Variants in ZPBP observed in about 807,000 individuals in gnomAD.
The protein encoded by ZPBP is zona pellucida binding protein.
ZPBP carries 26 observed loss-of-function variants against 44.8 expected under a neutral mutation model. The ratio of observed to expected loss-of-function variants is 0.58; its 90% confidence interval spans 0.43 to 0.81. The LOEUF (loss-of-function observed/expected upper bound fraction) is 0.81, where lower values mean the gene tolerates loss of function less well. Ranked by LOEUF, ZPBP falls within the 30% of genes least tolerant of loss-of-function variation. The pLI is 0.00. For missense variants in ZPBP, 409 were observed against 434.0 expected, an observed-to-expected ratio of 0.94 and a Z score of 0.51; for synonymous variants, 174 against 153.2, an observed-to-expected ratio of 1.14 and a Z score of -1.00.
At chr7:50,020,359 C>G (rs546650014) in intron 5 of ZPBP, among the ~76,000 whole-genome samples, 1 of 152,024 alleles carries the variant, frequency 6.6e-6, no homozygotes, top group Non-Finnish European at 1.5e-5. Flanking sequence ...AAAATAGAAT[C>G]AAAAGAAATA....
In ZPBP at chr7:49,865,104, G is replaced by A. The variant is rs142920505; in HGVS notation, n.510-14590C>T. 2.5e-3 allele frequency among the ~76,000 whole-genome samples: 386 copies of A among 152,276 alleles called. 3 individuals are homozygous for A. Among genetic ancestry groups the A allele is most frequent in the African/African-American group, 8.9e-3 (371 of 41,556 alleles). On this transcript the variant is annotated intron_variant and non_coding_transcript_variant, in intron 2 of 2. Coordinates refer to the ZPBP transcript ENST00000465922. ...TACTTTTCTGTCATGTTTTCTTGCT[G>A]AAATTTGCCATGTAAAGATGTAATT...
chr7:49,903,634 G>A (rs1363092822), intron 1 of ZPBP, among the ~76,000 whole-genome samples: 1 of 152,204 alleles, frequency 6.6e-6, no homozygotes, highest in East Asian at 1.9e-4. Flanking sequence ...GGCAGAGGGA[G>A]GTCTTGATTG....
intron 2 of ZPBP, among the ~76,000 whole-genome samples, chr7:49,887,077 A>G (rs774087671): frequency 5.3e-5 from 8 of 152,204 alleles, no homozygotes; most frequent in Non-Finnish European, 1.0e-4. Flanking sequence ...GTCTTTGCAC[A>G]TGAACATTAA....
At chr7:49,981,540 T>G (rs1242699452) in intron 7 of ZPBP, among the ~76,000 whole-genome samples, 1 of 91,360 alleles carries the variant, frequency 1.1e-5, no homozygotes, top group Non-Finnish European at 1.9e-5. Context: ...ATTATAATTT[T>G]ATATAATTAT....
intron 1 of ZPBP, among the ~76,000 whole-genome samples, chr7:49,924,462 TAATTC>T (rs1794151672): frequency 6.6e-6 from 1 of 152,200 alleles, no homozygotes; most frequent in Admixed American, 6.5e-5. Context: ...TAAATCCTGA[TAATTC>T]AATTAAACTA....
intron 4 of ZPBP, among the ~76,000 whole-genome samples, chr7:50,043,890 C>T (rs193015319): frequency 4.6e-5 from 7 of 152,242 alleles, no homozygotes; most frequent in African/African-American, 1.4e-4. Flanking sequence ...CAGACTTATT[C>T]TAAAATTGAC....
intron 1 of ZPBP, chr7:49,920,707 T>C (rs1396349860): frequency 7.9e-6 from 1 of 127,220 alleles, no homozygotes; most frequent in Non-Finnish European, 1.7e-5. Flanking sequence ...TTTAATTGTG[T>C]TATTTACTAT....
intron 1 of ZPBP, chr7:49,914,676 T>C (rs1274385658): frequency 6.6e-6 from 1 of 152,248 alleles, no homozygotes; most frequent in South Asian, 2.1e-4. Context: ...TACATAGCTA[T>C]CTCAGATTGA....
chr7:50,017,152 TA>T (rs1168640908), intron 6 of ZPBP, among the ~76,000 whole-genome samples: 3 of 152,070 alleles, frequency 2.0e-5, no homozygotes, highest in Admixed American at 6.6e-5. Context: ...CACCATAATG[TA>T]AAATCAGTGA....
At chr7:49,879,436 T>A (rs1161587718) in intron 2 of ZPBP, among the ~76,000 whole-genome samples, 1 of 152,200 alleles carries the variant, frequency 6.6e-6, no homozygotes, top group Admixed American at 6.5e-5. Flanking sequence ...GGTTTATATG[T>A]GCAGGTACCA....
intron 2 of ZPBP, among the ~76,000 whole-genome samples, chr7:49,881,090 C>T (rs1406284481): frequency 1.3e-5 from 2 of 152,090 alleles, no homozygotes; most frequent in African/African-American, 2.4e-5. Context: ...GTCCTCCATT[C>T]CTGGCCTCAG....
chr7:49,987,375 T>C (rs1458679664), intron 6 of ZPBP, among the ~76,000 whole-genome samples: 1 of 152,224 alleles, frequency 6.6e-6, no homozygotes, highest in Non-Finnish European at 1.5e-5. Context: ...TTCTCCATTT[T>C]GCCTTGCCTA....
intron 2 of ZPBP, among the ~76,000 whole-genome samples, chr7:49,899,719 A>G (rs1792605706): frequency 6.6e-6 from 1 of 151,994 alleles, no homozygotes; most frequent in Non-Finnish European, 1.5e-5. Context: ...ATCCACTTTT[A>G]TACTTGCATA....
Position 50,093,090 on chromosome 7 carries a change from G to T in ZPBP, c.105C>A (p.Phe35Leu), listed in dbSNP as rs1310436343. The T allele has an allele frequency of 6.2e-7, 1 of 1,600,520 alleles. No individual in the cohort carries two copies. Among genetic ancestry groups the T allele is most frequent in the Admixed American group, 1.7e-5 (1 of 58,600 alleles). Residue 35 changes from phenylalanine to leucine, a missense_variant, in exon 1 of 8, where the codon TTC becomes TTA. Transcript: ENST00000046087. ...RAAILLFISAFLVRVPSSVGH... is the reference protein window; with the variant it reads ...RAAILLFISALLVRVPSSVGH... Reference sequence around the variant, plus strand: ...CACCTGATGAGGGCACCCGCACCAGGAAGGCGGAGATAAAGAGGAGGATGG... The same window carrying T: ...CACCTGATGAGGGCACCCGCACCAGTAAGGCGGAGATAAAGAGGAGGATGG...
intron 2 of ZPBP, among the ~76,000 whole-genome samples, chr7:49,869,574 A>T (rs1369335117): frequency 1.3e-5 from 2 of 152,218 alleles, no homozygotes; most frequent in African/African-American, 4.8e-5. Context: ...CAAAGATTGA[A>T]ATCCTTATTT....
At chr7:49,960,851 G>A (rs1183998758) in intron 7 of ZPBP, among the ~76,000 whole-genome samples, 1 of 151,714 alleles carries the variant, frequency 6.6e-6, no homozygotes, top group Admixed American at 6.6e-5. Flanking sequence ...ACCATGCTTT[G>A]GAAAGGGTTT....
intron 2 of ZPBP, among the ~76,000 whole-genome samples, chr7:49,888,653 G>A (rs934374808): frequency 4.6e-5 from 7 of 152,152 alleles, no homozygotes; most frequent in Non-Finnish European, 1.0e-4. Context: ...GCTCACCGCT[G>A]TAATCCCAGC....
intron 3 of ZPBP, among the ~76,000 whole-genome samples, chr7:50,062,566 C>T (rs1038941840): frequency 6.6e-6 from 1 of 152,120 alleles, no homozygotes. Context: ...CAAAAACAAG[C>T]AATGGAGAAA....
chr7:49,987,337 A>AT (rs35608007), intron 6 of ZPBP, among the ~76,000 whole-genome samples: 5 of 152,038 alleles, frequency 3.3e-5, no homozygotes, highest in Admixed American at 6.6e-5. Flanking sequence ...CTGGAAAAAG[A>AT]TTTTTTTCTC....
Sources: allele counts gnomAD v4.1 joint callset (sites outside exome capture counted in the v4.1 genomes callset), GRCh38; gene constraint gnomAD v4.1.1; transcripts MANE v1.5; gene names NCBI Gene and HGNC (gene_info 2026-07-23, HGNC 2026-07-21).